Variants in GBF1 observed in about 807,000 individuals in gnomAD.
The protein encoded by GBF1 is Golgi-specific brefeldin A-resistance guanine nucleotide exchange factor 1.
In GBF1, 114 loss-of-function variants were observed where a neutral mutation model predicts 210.5. The ratio of observed to expected loss-of-function variants is 0.54; its 90% CI spans 0.47 to 0.63. The LOEUF (loss-of-function observed/expected upper bound fraction) is 0.63, where lower values mean the gene tolerates loss of function less well. GBF1 is among the 30% of genes least tolerant of loss of function. The pLI, the probability that GBF1 is intolerant of heterozygous loss-of-function variation, is 0.00. For synonymous variants in GBF1, 850 were observed against 889.2 expected, an observed-to-expected ratio of 0.96 and a Z score of 0.78; for missense variants, 1,851 against 2,357.7, an observed-to-expected ratio of 0.79 and a Z score of 4.45.
chr10:102,369,586 A>G, intron 24 of GBF1, 125 bp from the exon 25 acceptor site: 1 of 946,286 alleles, frequency 1.1e-6, no homozygotes. Context: ...ATTGCCAGTC[A>G]CCAATTGGCA....
At chr10:102,358,414 A>G in intron 9 of GBF1, 92 bp from the exon 10 acceptor site, 1 of 914,550 alleles carries the variant, frequency 1.1e-6, no homozygotes, top group Non-Finnish European at 1.7e-6. Context: ...TAAGCATGTA[A>G]TCTGGGAAAC....
the GBF1 span, chr10:102,231,708 C>G: frequency 1.2e-6 from 2 of 1,609,332 alleles, no homozygotes; most frequent in African/African-American, 1.3e-5. Flanking sequence ...TGGTGAAGTG[C>G]GTGCGCTGCC....
At chr10:102,361,574 G>A (rs1422960876) in intron 13 of GBF1, 144 bp from the exon 14 acceptor site, 1 of 575,996 alleles carries the variant, frequency 1.7e-6, no homozygotes, top group African/African-American at 1.9e-5. Context: ...TATATTTAGG[G>A]GATGGAATAC....
chr10:102,298,764 G>A (rs78060343), intron 3 of GBF1, among the ~76,000 whole-genome samples: 3,068 of 152,302 alleles, frequency 0.02, 39 homozygotes, highest in Non-Finnish European at 0.027. Context: ...TACTTAGTAA[G>A]TCACAGAAGT....
In GBF1 at chr10:102,365,477, C is replaced by T; in HGVS notation, c.2187C>T (p.Thr729=). The change falls in exon 18 of 40, where the codon ACC becomes ACT. Residue 729 remains threonine, a synonymous_variant. Coordinates refer to ENST00000369983, the MANE Select transcript of GBF1 (RefSeq NM_001377137.1). ...TTCTGCAAGAGAAAGGCCTCCTCAC[C>T]ATCCCAATGGACAACACAGAGGTTG... ...IQFLQEKGLL[T]IPMDNTEVAQ... 6.2e-7 allele frequency: 1 copy of T among 1,613,888 alleles called. No individual in the cohort carries two copies. Among genetic ancestry groups the T allele is most frequent in the Non-Finnish European group, 8.5e-7 (1 of 1,179,754 alleles).
At chr10:102,286,558 TC>T (rs1159322173) in intron 3 of GBF1, among the ~76,000 whole-genome samples, 1 of 152,226 alleles carries the variant, frequency 6.6e-6, no homozygotes, top group Non-Finnish European at 1.5e-5. Flanking sequence ...TCATAATTTT[TC>T]AAAGGTTTGT....
At chr10:102,240,944 G>A (rs945982505), upstream of GBF1, among the ~76,000 whole-genome samples, 2 of 152,152 alleles carry the variant, frequency 1.3e-5, no homozygotes, top group African/African-American at 2.4e-5. Context: ...CACACTGGGG[G>A]CCGCCCCGCC....
intron 3 of GBF1, among the ~76,000 whole-genome samples, chr10:102,339,287 C>T (rs954522459): frequency 2.6e-5 from 4 of 152,094 alleles, no homozygotes; most frequent in South Asian, 2.1e-4. Flanking sequence ...CACTTGAACC[C>T]GGGAGGTAGA....
chr10:102,369,232 G>A lies in GBF1; in HGVS notation c.2995G>A (p.Val999Ile), dbSNP rs376364127. ...CCAGTCTATTGAGAACCTGCCCAGT[G>A]TATTTGGAAGCAACCCTAAAGCCCA... Reference protein sequence around the residue: ...SSESIENLPSVFGSNPKAHIA... With the variant: ...SSESIENLPSIFGSNPKAHIA... Residue 999 changes from valine (V) to isoleucine (I), a missense_variant, in exon 24 of 40, where the codon GTA (valine) becomes ATA (isoleucine). Physicochemically the swap from Val to Ile is conservative, Grantham distance 29 (BLOSUM62 3). Transcript: ENST00000369983. 2.5e-6 allele frequency: 4 copies of A among 1,613,554 alleles called. No individual in the cohort carries two copies. Among genetic ancestry groups the A allele is most frequent in the Admixed American group, 3.3e-5 (2 of 60,016 alleles).
chr10:102,282,519 T>C (rs758207046), intron 3 of GBF1, among the ~76,000 whole-genome samples: 2 of 152,206 alleles, frequency 1.3e-5, no homozygotes, highest in Non-Finnish European at 2.9e-5. Flanking sequence ...TCCTGGACTC[T>C]TCTGTCTTGC....
chr10:102,319,326 A>G (rs1247030290), intron 3 of GBF1, among the ~76,000 whole-genome samples: 1 of 151,992 alleles, frequency 6.6e-6, no homozygotes, highest in African/African-American at 2.4e-5. Flanking sequence ...TCTCAACAAC[A>G]ACAACAACAA....
chr10:102,237,855 C>T, the GBF1 span, among the ~76,000 whole-genome samples: 1 of 151,908 alleles, frequency 6.6e-6, no homozygotes, highest in Non-Finnish European at 1.5e-5. Flanking sequence ...GTGTGTCATG[C>T]CTCCTCCACT....
Position 102,370,458 on chromosome 10 carries a change from A to G in GBF1, c.3486A>G (p.Leu1162=). The G allele has an allele frequency of 6.2e-7, 1 of 1,612,240 alleles. No homozygotes were observed. The part of the protein sequence containing the change: ...EDAAFCLEML[L]RIVLENRDRV... ...CTGCTTTCTGCCTAGAGATGCTGCT[A>G]AGGATTGTGTTGGAGAACAGGTAAG... The change falls in exon 28 of 40, where the codon CTA becomes CTG. Residue 1162 remains leucine (L), a synonymous_variant. Coordinates refer to ENST00000369983, the MANE Select transcript of GBF1 (RefSeq NM_001377137.1).
chr10:102,304,773 C>CA (rs567944759), intron 3 of GBF1, among the ~76,000 whole-genome samples: 4,853 of 138,572 alleles, frequency 0.035, 128 homozygotes, highest in Non-Finnish European at 0.052. Context: ...GACTTCATCT[C>CA]AAAAAAAAAA....
chr10:102,307,246 T>C lies in GBF1; in HGVS notation c.164-36805T>C, dbSNP rs74155264. On this transcript the variant is annotated intron_variant, in intron 3 of 39. Coordinates refer to ENST00000369983, the MANE Select transcript of GBF1 (RefSeq NM_001377137.1). ...TTACTATAACATGGACTTCAGTGCA[T>C]GTTGCTATTAGATGCCAAGAGCCTC... Among the ~76,000 whole-genome samples the C allele has an allele frequency of 7.8e-3, 1,180 of 152,224 alleles. 13 individuals are homozygous for C. The highest frequency in any genetic ancestry group is 0.023 in the African/African-American group (961 of 41,538).
intron 3 of GBF1, among the ~76,000 whole-genome samples, chr10:102,318,016 C>T (rs1356005262): frequency 6.6e-6 from 1 of 152,108 alleles, no homozygotes; most frequent in Non-Finnish European, 1.5e-5. Context: ...TCACGCCATT[C>T]TCCTGCCTCA....
intron 9 of GBF1, 65 bp from the exon 10 acceptor site, chr10:102,358,441 T>G (rs2059411581): frequency 2.7e-6 from 3 of 1,130,358 alleles, no homozygotes; most frequent in Non-Finnish European, 4.0e-6. Context: ...CCTAGTACCA[T>G]AGAGGGTTTG....
At chr10:102,269,522 T>G in intron 3 of GBF1, among the ~76,000 whole-genome samples, 1 of 152,142 alleles carries the variant, frequency 6.6e-6, no homozygotes, top group East Asian at 1.9e-4. Context: ...CACTTCAGTG[T>G]TATCTGGGAT....
intron 33 of GBF1, 85 bp from the exon 34 acceptor site, chr10:102,379,199 T>G: frequency 7.6e-7 from 1 of 1,319,420 alleles, no homozygotes; most frequent in East Asian, 2.3e-5. Context: ...CCTTGAGGAC[T>G]TAGTTAGGGA....
Sources: gnomAD v4.1 joint callset for allele counts (sites outside exome capture counted in the v4.1 genomes callset) on GRCh38, gnomAD v4.1.1 for gene constraint, MANE v1.5 for transcripts, NCBI Gene and HGNC (gene_info 2026-07-23, HGNC 2026-07-21) for gene names.